Variants in SMAD5 observed in about 807,000 individuals in gnomAD.
SMAD5 encodes SMAD family member 5.
SMAD5 carries 9 observed loss-of-function variants against 43.1 expected under a neutral mutation model. That is an observed-to-expected ratio of 0.21 (90% CI 0.13 to 0.36). The LOEUF (loss-of-function observed/expected upper bound fraction) is 0.36. Ranked by LOEUF, SMAD5 falls within the 10% of genes least tolerant of loss-of-function variation. The probability of loss-of-function intolerance (pLI) is 1.00; values close to 1 mark genes in which losing one functional copy is unlikely to be tolerated. For synonymous variants in SMAD5, 190 were observed against 192.4 expected (o/e 0.99, Z 0.10); for missense variants, 348 against 574.0 (o/e 0.61, Z 4.02).
intron 5 of SMAD5, among the ~76,000 whole-genome samples, chr5:136,168,490 C>T (rs187910483): frequency 8.5e-5 from 13 of 152,272 alleles, no homozygotes; most frequent in Admixed American, 8.5e-4. Flanking sequence ...AGAAAGTTCT[C>T]ACATACTCTC....
chr5:136,171,994 A>T (rs1754237146), intron 5 of SMAD5, among the ~76,000 whole-genome samples: 3 of 152,174 alleles, frequency 2.0e-5, no homozygotes, highest in Admixed American at 2.0e-4. Flanking sequence ...AAAGAAACAG[A>T]TCTTTCTCTA....
chr5:136,164,289 T>G (rs1209217203), intron 5 of SMAD5, among the ~76,000 whole-genome samples: 3 of 152,346 alleles, frequency 2.0e-5, no homozygotes, highest in East Asian at 1.9e-4. Context: ...CTGAATAACA[T>G]GGTAAGTTTA....
intron 5 of SMAD5, among the ~76,000 whole-genome samples, chr5:136,163,901 C>G (rs936481858): frequency 1.3e-5 from 2 of 152,166 alleles, no homozygotes; most frequent in African/African-American, 4.8e-5. Flanking sequence ...ACATTTGCAG[C>G]TGGGCTCAGT....
rs1240700857 is a variant in SMAD5, at chr5:136,182,586, C to T, written c.*5106C>T. On this transcript the variant is annotated 3_prime_UTR_variant, in exon 8 of 8. Coordinates refer to ENST00000545279, the MANE Select transcript of SMAD5 (RefSeq NM_005903.7). ...TGTTTATGTTGTAGAAGCTGAAATT[C>T]TAGCAACATGCTTCAATTCTGTTAT... 6.6e-6 allele frequency: 1 copy of T among 152,624 alleles called. No individual in the cohort carries two copies. The highest frequency in any genetic ancestry group is 2.4e-5 in the African/African-American group (1 of 41,438). The allele number at this position is 152,624 out of a possible 1,614,324, so 9.5% of individuals were successfully genotyped here.
Position 136,161,025 on chromosome 5 carries a change from C to G in SMAD5, c.573C>G (p.Ser191Arg). Residue 191 changes from serine (S) to arginine (R), a missense_variant, in exon 4 of 8, where the codon AGC becomes AGG. Physicochemically the swap from Ser to Arg is moderately radical, Grantham distance 110 (BLOSUM62 -1). This residue lies in a region of SMAD5 where 185 missense variants were observed against 207.0 expected (regional missense o/e 0.89). Transcript: ENST00000545279. ...NNTPFPLSPN[S>R]PYPPSPASST... ...CTCCTTTTCCCTTATCTCCAAACAG[C>G]CCTTATCCCCCTTCTCCTGCTAGCA... 1 of 1,613,908 alleles carries G rather than the reference C, an allele frequency of 6.2e-7. No homozygotes were observed. Among genetic ancestry groups the G allele is most frequent in the East Asian group, 2.2e-5 (1 of 44,880 alleles).
intron 1 of SMAD5, among the ~76,000 whole-genome samples, chr5:136,137,979 A>T (rs1752945075): frequency 6.6e-6 from 1 of 152,146 alleles, no homozygotes; most frequent in Non-Finnish European, 1.5e-5. Flanking sequence ...GCACTTGATG[A>T]TTTTATAATT....
intron 2 of SMAD5, among the ~76,000 whole-genome samples, chr5:136,151,911 T>A (rs546293362): frequency 6.6e-6 from 1 of 152,166 alleles, no homozygotes; most frequent in Admixed American, 6.5e-5. Context: ...ACATCCTTGA[T>A]GTAGATGCAA....
intron 2 of SMAD5, among the ~76,000 whole-genome samples, chr5:136,151,311 T>A (rs1454251489): frequency 7.9e-5 from 12 of 152,028 alleles, no homozygotes; most frequent in Admixed American, 7.2e-4. Flanking sequence ...GGATAGAGAA[T>A]GTTGTGAGAA....
intron 6 of SMAD5, among the ~76,000 whole-genome samples, chr5:136,173,868 TA>T (rs888376717): frequency 5.3e-5 from 8 of 151,772 alleles, no homozygotes; most frequent in African/African-American, 1.2e-4. Context: ...TTTTTAAATA[TA>T]AAAAAATTTT....
intron 6 of SMAD5, among the ~76,000 whole-genome samples, chr5:136,173,348 T>C (rs1438597904): frequency 6.6e-6 from 1 of 152,146 alleles, no homozygotes; most frequent in African/African-American, 2.4e-5. Flanking sequence ...TCTTGAGAAG[T>C]TTTGTTTTTA....
chr5:136,137,277 C>CCCCT (rs1202723253), intron 1 of SMAD5, among the ~76,000 whole-genome samples: 2 of 149,756 alleles, frequency 1.3e-5, no homozygotes, highest in Non-Finnish European at 3.0e-5. Flanking sequence ...GGGACCCCCC[C>CCCCT]CCGCATCTCT....
intron 5 of SMAD5, among the ~76,000 whole-genome samples, chr5:136,164,334 G>A (rs957986589): frequency 6.6e-6 from 1 of 152,090 alleles, no homozygotes; most frequent in Non-Finnish European, 1.5e-5. Context: ...TCTCTGAAGC[G>A]GCAGTACCAT....
chr5:136,172,240 A>G (rs1754250361), intron 5 of SMAD5, among the ~76,000 whole-genome samples, 194 bp from the exon 6 acceptor site: 2 of 152,208 alleles, frequency 1.3e-5, no homozygotes, highest in Non-Finnish European at 2.9e-5. Flanking sequence ...AACTTTTTAA[A>G]TTGTCATATT....
intron 2 of SMAD5, among the ~76,000 whole-genome samples, chr5:136,151,190 A>T (rs1561645285): frequency 6.6e-6 from 1 of 152,092 alleles, no homozygotes; most frequent in African/African-American, 2.4e-5. Context: ...TTGAGGGCAG[A>T]CGAGACTACC....
At chr5:136,150,971 G>A (rs1428249390) in intron 2 of SMAD5, among the ~76,000 whole-genome samples, 1 of 152,004 alleles carries the variant, frequency 6.6e-6, no homozygotes, top group African/African-American at 2.4e-5. Context: ...AGCCTATAAT[G>A]CCATCAACTT....
intron 3 of SMAD5, among the ~76,000 whole-genome samples, chr5:136,156,297 T>C (rs974757708): frequency 1.3e-5 from 2 of 152,206 alleles, no homozygotes; most frequent in African/African-American, 4.8e-5. Flanking sequence ...TGCCATATTC[T>C]GTTGGTTAGA....
Position 136,163,313 on chromosome 5 carries a change from A to G in SMAD5, c.697A>G (p.Met233Val), listed in dbSNP as rs759820460. Residue 233 changes from methionine to valine, a missense_variant, in exon 5 of 8, where the codon ATG (methionine) becomes GTG (valine). By Grantham distance (21) the Met-to-Val change is conservative. Around this residue, in one of 5 missense-constraint regions of SMAD5, gnomAD observed 185 missense variants for 207.0 expected, o/e 0.89. Transcript: ENST00000545279. ...TGCCTATATGCCACCTGATGATCAGATGGGTCAAGATAATTCCCAGCCTAT... is the reference window on the plus strand; with the variant it reads ...TGCCTATATGCCACCTGATGATCAGGTGGGTCAAGATAATTCCCAGCCTAT... ...PPAYMPPDDQ[M>V]GQDNSQPMDT... 4 of 1,608,358 alleles carry G rather than the reference A, an allele frequency of 2.5e-6. No homozygotes were observed. Among genetic ancestry groups the G allele is most frequent in the Non-Finnish European group, 3.4e-6 (4 of 1,175,344 alleles).
rs749541761 is a variant in SMAD5 at position 136,172,466 on chromosome 5, C to T, written c.808C>T (p.His270Tyr). 6.2e-7 allele frequency: 1 copy of T among 1,612,010 alleles called. No individual in the cohort carries two copies. The stretch of plus-strand genomic sequence containing the variant: ...GCCTGTTGCCTATGAAGAGCCTAAA[C>T]ATTGGTGTTCAATAGTCTACTATGA... ...VQPVAYEEPKHWCSIVYYELN... is the reference protein window; with the variant it reads ...VQPVAYEEPKYWCSIVYYELN... Residue 270 changes from histidine (H) to tyrosine (Y), a missense_variant, in exon 6 of 8, where the codon CAT (histidine) becomes TAT (tyrosine). His to Tyr is a moderately conservative substitution (Grantham distance 83). Transcript: ENST00000545279.
At chr5:136,133,901 A>G (rs566171555) in intron 1 of SMAD5, 20 of 154,624 alleles carry the variant, frequency 1.3e-4, no homozygotes, top group Middle Eastern at 1.0e-3. Context: ...GCTTCCCAAC[A>G]GAATGTTCCG....
Sources: allele counts gnomAD v4.1 joint callset (sites outside exome capture counted in the v4.1 genomes callset), GRCh38; gene constraint gnomAD v4.1.1; regional missense constraint gnomAD v4.1.1; transcripts MANE v1.5; gene names NCBI Gene and HGNC (gene_info 2026-07-23, HGNC 2026-07-21).